Variants in KCNK9 observed in about 807,000 individuals in gnomAD.
The protein encoded by KCNK9 is potassium channel subfamily K member 9.
Under a neutral mutation model 10.8 loss-of-function variants are expected in KCNK9, and 1 was observed. The ratio of observed to expected loss-of-function variants is 0.09; its 90% CI spans 0.03 to 0.44. KCNK9 has a LOEUF of 0.44. Among genes scored for constraint, KCNK9 ranks in the 20% least tolerant of loss-of-function variants. The probability of loss-of-function intolerance (pLI) is 0.97; values close to 1 mark genes in which losing one functional copy is unlikely to be tolerated. For synonymous variants in KCNK9, 231 were observed against 222.7 expected, an observed-to-expected ratio of 1.04 and a Z score of -0.33; for missense variants, 303 against 515.0, an observed-to-expected ratio of 0.59 and a Z score of 3.98.
chr8:139,655,574 T>A (rs1242395621), intron 1 of KCNK9, among the ~76,000 whole-genome samples: 1 of 152,124 alleles, frequency 6.6e-6, no homozygotes, highest in Non-Finnish European at 1.5e-5. Context: ...GATACCCAGC[T>A]CTGAATGGGG....
At chr8:139,631,090 T>A (rs1365804382) in intron 1 of KCNK9, among the ~76,000 whole-genome samples, 2 of 152,164 alleles carry the variant, frequency 1.3e-5, no homozygotes, top group African/African-American at 4.8e-5. Context: ...CGGCCCCGGG[T>A]GCGGGGTCGG....
At chr8:139,654,865 G>C (rs1815978083) in intron 1 of KCNK9, among the ~76,000 whole-genome samples, 2 of 152,168 alleles carry the variant, frequency 1.3e-5, no homozygotes, top group African/African-American at 4.8e-5. Context: ...GGATGGCTGG[G>C]TGGGTGCAGA....
In KCNK9 at chr8:139,632,750, T is replaced by A. The variant is rs111420763; in HGVS notation, c.284-13651A>T. On this transcript the variant is annotated intron_variant, in intron 1 of 1. Transcript: ENST00000520439. ...TGCCTCCAGCTGTTAGGAGCCTGGG[T>A]TCTGAGTGACCAGCTAGAGCAGAGC... Among the ~76,000 whole-genome samples the A allele has an allele frequency of 8.8e-4, 134 of 152,220 alleles. 1 individual carries two copies. Among genetic ancestry groups the A allele is most frequent in the African/African-American group, 3.0e-3 (123 of 41,524 alleles).
At chr8:139,674,998 C>T (rs915171713) in intron 1 of KCNK9, among the ~76,000 whole-genome samples, 1 of 152,212 alleles carries the variant, frequency 6.6e-6, no homozygotes, top group African/African-American at 2.4e-5. Context: ...GCTGTCACCC[C>T]CAGAAATAGC....
At chr8:139,676,537 C>T (rs935001698) in intron 1 of KCNK9, among the ~76,000 whole-genome samples, 1 of 152,212 alleles carries the variant, frequency 6.6e-6, no homozygotes, top group East Asian at 1.9e-4. Context: ...CCTTCTAGAC[C>T]CAGCCTGCCC....
At chr8:139,609,794 G>C (rs975926404), downstream of KCNK9, among the ~76,000 whole-genome samples, 2 of 152,008 alleles carry the variant, frequency 1.3e-5, no homozygotes, top group Non-Finnish European at 2.9e-5. Context: ...GGGAGGTGGA[G>C]GGGGGATATT....
intron 1 of KCNK9, among the ~76,000 whole-genome samples, chr8:139,664,488 T>A (rs1402602030): frequency 6.6e-6 from 1 of 152,118 alleles, no homozygotes; most frequent in East Asian, 1.9e-4. Context: ...CAGCTTCCCT[T>A]ATTAGCTAAA....
intron 1 of KCNK9, among the ~76,000 whole-genome samples, chr8:139,662,801 C>T (rs1383166673): frequency 7.3e-6 from 1 of 137,424 alleles, no homozygotes; most frequent in African/African-American, 2.7e-5. Flanking sequence ...TCTGGCCCTC[C>T]TAGTGAGGTG....
chr8:139,685,767 G>A (rs1816776016), intron 1 of KCNK9, among the ~76,000 whole-genome samples: 1 of 152,136 alleles, frequency 6.6e-6, no homozygotes. Context: ...CTTTACAGTA[G>A]CATGATTTAT....
At position 139,703,119 on chromosome 8, in the gene KCNK9, T is replaced by G; in HGVS notation, c.-127A>C. ...CGCCGCCGCCGCCGCCTCCAAGTTG[T>G]AAGCGGCGGCGGCAGCAGCAGCAGC... On this transcript the variant is annotated 5_prime_UTR_variant, in exon 1 of 2. Coordinates refer to ENST00000520439, the MANE Select transcript of KCNK9 (RefSeq NM_001282534.2). The surrounding 1 kb of genome is among the most constrained non-coding windows in gnomAD (Gnocchi z 6.4). The G allele has an allele frequency of 3.0e-6, 2 of 664,164 alleles. No homozygotes were observed. The highest frequency in any genetic ancestry group is 4.1e-6 in the Non-Finnish European group (2 of 485,356). The allele number at this position is 664,164 out of a possible 1,614,324, so 41.1% of individuals were successfully genotyped here.
At chr8:139,678,970 AG>A (rs1314905731) in intron 1 of KCNK9, among the ~76,000 whole-genome samples, 1 of 152,278 alleles carries the variant, frequency 6.6e-6, no homozygotes, top group African/African-American at 2.4e-5. Context: ...CCTGGCTGAA[AG>A]AACACTGGCT....
intron 1 of KCNK9, among the ~76,000 whole-genome samples, chr8:139,637,831 T>G (rs1262322838): frequency 6.8e-6 from 1 of 146,128 alleles, no homozygotes; most frequent in Non-Finnish European, 1.5e-5. Flanking sequence ...GTGATGAATA[T>G]GTCTAAGGCC....
chr8:139,615,294 G>T (rs566320308), downstream of KCNK9, among the ~76,000 whole-genome samples: 1 of 152,200 alleles, frequency 6.6e-6, no homozygotes, highest in African/African-American at 2.4e-5. Context: ...AACAAAGGCT[G>T]CTCAGTGAGA....
chr8:139,672,987 A>T (rs2129739269), intron 1 of KCNK9, among the ~76,000 whole-genome samples: 2 of 152,316 alleles, frequency 1.3e-5, no homozygotes, highest in South Asian at 4.1e-4. Flanking sequence ...AGAAGGCGAG[A>T]GGAACAAATA....
chr8:139,646,971 C>T (rs898542847), intron 1 of KCNK9, among the ~76,000 whole-genome samples: 2 of 152,250 alleles, frequency 1.3e-5, no homozygotes, highest in Admixed American at 6.5e-5. Context: ...AGCCCAAACT[C>T]GTGCACAAGG....
At chr8:139,632,597 A>T (rs1219568402) in intron 1 of KCNK9, among the ~76,000 whole-genome samples, 5 of 152,138 alleles carry the variant, frequency 3.3e-5, no homozygotes, top group Admixed American at 2.6e-4. Flanking sequence ...CTGGCCCACT[A>T]AAACCTGCCG....
intron 1 of KCNK9, among the ~76,000 whole-genome samples, chr8:139,674,228 G>GC (rs1463231098): frequency 6.6e-6 from 1 of 152,184 alleles, no homozygotes; most frequent in Non-Finnish European, 1.5e-5. Context: ...TGGGCTGAGG[G>GC]CCCTCATAGA....
chr8:139,674,064 C>T (rs540876178), intron 1 of KCNK9, among the ~76,000 whole-genome samples: 1 of 152,356 alleles, frequency 6.6e-6, no homozygotes, highest in Non-Finnish European at 1.5e-5. Flanking sequence ...TTGTTTCCAA[C>T]AGCCAACCCA....
chr8:139,649,130 C>G (rs993534878), intron 1 of KCNK9, among the ~76,000 whole-genome samples: 1 of 152,174 alleles, frequency 6.6e-6, no homozygotes, highest in Non-Finnish European at 1.5e-5. Context: ...TTCCATATCT[C>G]AGGAACTTCA....
Sources: gnomAD v4.1 joint callset for allele counts (sites outside exome capture counted in the v4.1 genomes callset) on GRCh38, gnomAD v4.1.1 for gene constraint, Gnocchi (gnomAD v3.1) non-coding constraint, MANE v1.5 for transcripts, NCBI Gene and HGNC (gene_info 2026-07-23, HGNC 2026-07-21) for gene names.